TSPAN14: variants seen among roughly 807,000 people sequenced by gnomAD.
TSPAN14 encodes the protein tetraspanin 14.
Under a neutral mutation model 36.6 loss-of-function variants are expected in TSPAN14, and 16 were observed. The ratio of observed to expected loss-of-function variants is 0.44; its 90% confidence interval spans 0.30 to 0.66. The LOEUF is 0.66. Among genes scored for constraint, TSPAN14 ranks in the 30% least tolerant of loss-of-function variants. TSPAN14 has a pLI of 0.12. For missense variants in TSPAN14, 231 were observed against 355.1 expected, an observed-to-expected ratio of 0.65 and a Z score of 2.81; for synonymous variants, 139 against 143.8, an observed-to-expected ratio of 0.97 and a Z score of 0.24.
intron 8 of TSPAN14, among the ~76,000 whole-genome samples, chr10:80,516,735 G>GGCCTGAGGCTC (rs1223934229): frequency 4.3e-4 from 66 of 152,330 alleles, no homozygotes; most frequent in African/African-American, 1.6e-3. Flanking sequence ...GCCTGAGGGT[G>GGCCTGAGGCTC]GCCTGAGGCT....
chr10:80,486,309 T>G (rs1847592791), intron 1 of TSPAN14, among the ~76,000 whole-genome samples: 1 of 152,234 alleles, frequency 6.6e-6, no homozygotes, highest in South Asian at 2.1e-4. Flanking sequence ...CTTTCCATGT[T>G]CTGTACACTT....
chr10:80,459,676 G>C (rs1436268168), intron 1 of TSPAN14, among the ~76,000 whole-genome samples: 1 of 152,206 alleles, frequency 6.6e-6, no homozygotes, highest in Admixed American at 6.5e-5. Context: ...CAGCTGTTGG[G>C]CCTGTGCTCC....
chr10:80,488,394 T>G (rs1564728178), intron 1 of TSPAN14, among the ~76,000 whole-genome samples: 1 of 152,192 alleles, frequency 6.6e-6, no homozygotes, highest in African/African-American at 2.4e-5. Context: ...CTTTGAGGGT[T>G]AGACACAGAT....
At chr10:80,502,651 G>C (rs12773636) in intron 2 of TSPAN14, among the ~76,000 whole-genome samples, 1 of 151,900 alleles carries the variant, frequency 6.6e-6, no homozygotes, top group African/African-American at 2.4e-5. Context: ...AGAGTTGGGG[G>C]GAGCTCGGTT....
chr10:80,520,580 C>G (rs1249742295), exon 9 of TSPAN14: 1 of 530,980 alleles, frequency 1.9e-6, no homozygotes. Context: ...TGTACCCCCT[C>G]CTCAACCCTG....
intron 2 of TSPAN14, among the ~76,000 whole-genome samples, chr10:80,500,771 G>C (rs1848467147): frequency 6.6e-6 from 1 of 152,142 alleles, no homozygotes; most frequent in African/African-American, 2.4e-5. Context: ...AACAGCAAGC[G>C]AGGGAGGGTG....
At chr10:80,513,145 C>T (rs1265286782) in intron 6 of TSPAN14, among the ~76,000 whole-genome samples, 1 of 152,138 alleles carries the variant, frequency 6.6e-6, no homozygotes, top group Non-Finnish European at 1.5e-5. Context: ...GCGATCTGCC[C>T]ATCTTAGCCT....
chr10:80,474,292 G>T (rs747970816), intron 1 of TSPAN14, among the ~76,000 whole-genome samples: 5 of 152,014 alleles, frequency 3.3e-5, no homozygotes, highest in Non-Finnish European at 7.4e-5. Flanking sequence ...GGGGCATGGG[G>T]TGTATGTAGC....
intron 1 of TSPAN14, among the ~76,000 whole-genome samples, chr10:80,473,710 G>GTTTT (rs555107223): frequency 2.9e-5 from 4 of 140,218 alleles, no homozygotes; most frequent in African/African-American, 1.0e-4. Flanking sequence ...TTAAATTAAA[G>GTTTT]TTTTTTTTTT....
chr10:80,519,870 C>T (rs1841165040), exon 9 of TSPAN14: 1 of 151,152 alleles, frequency 6.6e-6, no homozygotes, highest in Admixed American at 6.6e-5. Flanking sequence ...CACAGCCGCA[C>T]AAGTTGGCTT....
At chr10:80,496,647 A>T (rs1274949770) in intron 2 of TSPAN14, among the ~76,000 whole-genome samples, 1 of 151,988 alleles carries the variant, frequency 6.6e-6, no homozygotes, top group Non-Finnish European at 1.5e-5. Context: ...GGCTCGGTTT[A>T]GTTTTTTATT....
At chr10:80,461,258 C>G (rs1401342757) in intron 1 of TSPAN14, among the ~76,000 whole-genome samples, 1 of 152,216 alleles carries the variant, frequency 6.6e-6, no homozygotes, top group Non-Finnish European at 1.5e-5. Context: ...CAACAGTCAG[C>G]TTTTCAGGAA....
chr10:80,478,402 C>A (rs992012346), intron 1 of TSPAN14, among the ~76,000 whole-genome samples: 10 of 152,080 alleles, frequency 6.6e-5, no homozygotes, highest in African/African-American at 2.4e-4. Context: ...TTGATAGGAG[C>A]TAACCGAAAG....
intron 1 of TSPAN14, chr10:80,468,639 A>AG (rs748216035): frequency 2.6e-5 from 4 of 151,954 alleles, no homozygotes; most frequent in Non-Finnish European, 5.9e-5. Flanking sequence ...TAGAATCTTG[A>AG]GGGGTCTCCA....
chr10:80,503,990 G>T (rs1250366445), intron 2 of TSPAN14, among the ~76,000 whole-genome samples: 1 of 152,186 alleles, frequency 6.6e-6, no homozygotes, highest in Non-Finnish European at 1.5e-5. Flanking sequence ...GCGCCTTTCT[G>T]TTGTGGTGCA....
At chr10:80,504,059 G>A (rs894323381) in intron 2 of TSPAN14, among the ~76,000 whole-genome samples, 2 of 152,190 alleles carry the variant, frequency 1.3e-5, no homozygotes, top group African/African-American at 4.8e-5. Flanking sequence ...CTCCTCTGGG[G>A]CGAGCTCATT....
intron 1 of TSPAN14, among the ~76,000 whole-genome samples, chr10:80,475,939 G>C (rs988498167): frequency 6.6e-6 from 1 of 152,144 alleles, no homozygotes; most frequent in Non-Finnish European, 1.5e-5. Context: ...TTTGGTTCCA[G>C]GACATACCCC....
chr10:80,495,024 C>T (rs1848122065), intron 2 of TSPAN14, among the ~76,000 whole-genome samples: 1 of 152,188 alleles, frequency 6.6e-6, no homozygotes, highest in South Asian at 2.1e-4. Context: ...TAATATAGAA[C>T]ATCTACTAAT....
intron 2 of TSPAN14, among the ~76,000 whole-genome samples, chr10:80,494,681 T>C (rs1233694703): frequency 2.0e-5 from 3 of 152,236 alleles, no homozygotes; most frequent in African/African-American, 7.2e-5. Context: ...TCCTTTGATA[T>C]CAGACCCCAA....
Sources: allele counts gnomAD v4.1 joint callset (sites outside exome capture counted in the v4.1 genomes callset), GRCh38; gene constraint gnomAD v4.1.1; transcripts MANE v1.5; gene names NCBI Gene and HGNC (gene_info 2026-07-23, HGNC 2026-07-21).